The following MDGA2 variants were observed in gnomAD, a reference collection of about 807,000 sequenced individuals.
The protein encoded by MDGA2 is MAM domain-containing glycosylphosphatidylinositol anchor protein 2.
In MDGA2, 40 loss-of-function variants were observed where a neutral mutation model predicts 117.8. The observed-to-expected ratio is 0.34, with a 90% confidence interval of 0.26 to 0.44. MDGA2 has a LOEUF of 0.44. Ranked by LOEUF, MDGA2 falls within the 20% of genes least tolerant of loss-of-function variation. MDGA2 has a pLI of 1.00. For missense variants in MDGA2, 1,123 were observed against 1,250.6 expected (o/e 0.90, Z 1.54); for synonymous variants, 452 against 439.0 (o/e 1.03, Z -0.37).
At chr14:47,231,552 C>T (rs1308405951) in intron 2 of MDGA2, among the ~76,000 whole-genome samples, 5 of 151,972 alleles carry the variant, frequency 3.3e-5, no homozygotes, top group African/African-American at 4.8e-5. Context: ...AAAGTGAGCA[C>T]ACATTATTAA....
chr14:47,459,469 T>C (rs1893436441), intron 1 of MDGA2, among the ~76,000 whole-genome samples: 2 of 151,928 alleles, frequency 1.3e-5, no homozygotes, highest in Admixed American at 6.6e-5. Flanking sequence ...CCTTCCATCT[T>C]TTCCTTTCCC....
chr14:47,261,718 T>C (rs1043553186), intron 2 of MDGA2, among the ~76,000 whole-genome samples: 1 of 152,160 alleles, frequency 6.6e-6, no homozygotes, highest in African/African-American at 2.4e-5. Context: ...TATGTTTAAG[T>C]GTCTGGGTGC....
At chr14:47,163,713 G>T (rs17118121) in intron 3 of MDGA2, among the ~76,000 whole-genome samples, 13,871 of 152,152 alleles carry the variant, frequency 0.091, 736 homozygotes, top group African/African-American at 0.1. Context: ...AGCACGAGGA[G>T]GAAAACACAT....
intron 8 of MDGA2, among the ~76,000 whole-genome samples, chr14:46,963,591 G>T (rs1449685951): frequency 6.6e-6 from 1 of 152,132 alleles, no homozygotes; most frequent in Non-Finnish European, 1.5e-5. Context: ...TTCTGCCTGA[G>T]ATGTTCTTTC....
intron 1 of MDGA2, among the ~76,000 whole-genome samples, chr14:47,403,883 A>C (rs1462073198): frequency 6.6e-6 from 1 of 152,082 alleles, no homozygotes; most frequent in Non-Finnish European, 1.5e-5. Flanking sequence ...GGATGTCCTT[A>C]TCTCTGAAGA....
At chr14:47,034,512 C>T (rs919827682) in intron 8 of MDGA2, among the ~76,000 whole-genome samples, 6 of 151,958 alleles carry the variant, frequency 3.9e-5, no homozygotes, top group Admixed American at 2.0e-4. Flanking sequence ...GCAAATATAA[C>T]ATTTCAATGA....
chr14:47,631,329 C>A (rs1291432257), intron 1 of MDGA2, among the ~76,000 whole-genome samples: 1 of 152,196 alleles, frequency 6.6e-6, no homozygotes, highest in African/African-American at 2.4e-5. Flanking sequence ...CTCTGGCCTA[C>A]ACTGGAGAGT....
In MDGA2 at chr14:47,264,897, C is replaced by G. The variant is rs115532955; in HGVS notation, c.420+36514G>C. 4.4e-3 allele frequency among the ~76,000 whole-genome samples: 669 copies of G among 152,122 alleles called. 3 individuals carry two copies. Among genetic ancestry groups the G allele is most frequent in the African/African-American group, 0.015 (640 of 41,502 alleles). The stretch of plus-strand genomic sequence containing the variant: ...AGGCCCCCATGTGTGATGTTCCCCT[C>G]CCTGTGTCAGTGTTTTCTCATTGTT... On this transcript the variant is annotated intron_variant, in intron 2 of 16. Transcript: ENST00000399232.
Position 46,856,042 on chromosome 14 carries a change from T to C in MDGA2, c.2753-888A>G, listed in dbSNP as rs1448438272. On this transcript the variant is annotated intron_variant, in intron 14 of 16. Transcript: ENST00000399232. ...ATACAATAAATATATATCAAACACTTACTCCAGATGAGGAATTAATCCTCT... is the reference window on the plus strand; with the variant it reads ...ATACAATAAATATATATCAAACACTCACTCCAGATGAGGAATTAATCCTCT... Among the ~76,000 whole-genome samples, 3 of 152,218 alleles carry C rather than the reference T, an allele frequency of 2.0e-5. No individual in the cohort carries two copies. The East Asian group carries it at 5.8e-4, about 29-fold the overall frequency.
chr14:47,213,306 T>C (rs1419773142), intron 3 of MDGA2, among the ~76,000 whole-genome samples: 1 of 152,184 alleles, frequency 6.6e-6, no homozygotes, highest in African/African-American at 2.4e-5. Flanking sequence ...CTGTGCCATT[T>C]TGATTCCTAA....
intron 5 of MDGA2, among the ~76,000 whole-genome samples, chr14:47,128,419 C>G (rs1269956324): frequency 6.6e-6 from 1 of 151,838 alleles, no homozygotes; most frequent in Non-Finnish European, 1.5e-5. Flanking sequence ...TTATTCATCC[C>G]ATAGGCCATA....
At chr14:47,612,214 A>AGAT (rs1351379614) in intron 1 of MDGA2, among the ~76,000 whole-genome samples, 2 of 133,566 alleles carry the variant, frequency 1.5e-5, no homozygotes, top group African/African-American at 5.6e-5. Flanking sequence ...ATAGACAGAT[A>AGAT]GATAGATAGA....
At chr14:47,571,482 T>C (rs765176912) in intron 1 of MDGA2, among the ~76,000 whole-genome samples, 2 of 152,170 alleles carry the variant, frequency 1.3e-5, no homozygotes, top group African/African-American at 2.4e-5. Context: ...CTATTCACAA[T>C]AGCAAAGACT....
intron 8 of MDGA2, among the ~76,000 whole-genome samples, chr14:47,019,933 T>C (rs1056156130): frequency 5.9e-5 from 9 of 152,154 alleles, no homozygotes; most frequent in Non-Finnish European, 4.4e-5. Context: ...AGCATTACTA[T>C]TGCTAAAAGG....
chr14:47,072,094 T>G (rs1890303179), intron 6 of MDGA2, among the ~76,000 whole-genome samples: 1 of 67,086 alleles, frequency 1.5e-5, no homozygotes, highest in African/African-American at 5.7e-5. Flanking sequence ...TGTTGGTTGT[T>G]GTTGTTTGGG....
At chr14:47,540,540 G>GTGTGTGTGTGTGTGTATATATA in intron 1 of MDGA2, among the ~76,000 whole-genome samples, 3,069 of 78,506 alleles carry the variant, frequency 0.039, 134 homozygotes, top group Non-Finnish European at 0.063. Flanking sequence ...GTGTGTGTGT[G>GTGTGTGTGTGTGTGTATATATA]TATATATATA....
intron 10 of MDGA2, among the ~76,000 whole-genome samples, chr14:46,889,270 T>C (rs1290822993): frequency 1.3e-5 from 2 of 152,098 alleles, no homozygotes; most frequent in African/African-American, 4.8e-5. Context: ...TCAGCAAGAA[T>C]TCTTCTGAGT....
chr14:46,865,340 A>T (rs1439584765), intron 14 of MDGA2, among the ~76,000 whole-genome samples: 8 of 152,116 alleles, frequency 5.3e-5, no homozygotes, highest in Non-Finnish European at 4.4e-5. Flanking sequence ...AAATTCAACA[A>T]CGCTTCATGC....
At chr14:46,985,916 A>G (rs1886841898) in intron 8 of MDGA2, among the ~76,000 whole-genome samples, 1 of 152,080 alleles carries the variant, frequency 6.6e-6, no homozygotes, top group African/African-American at 2.4e-5. Context: ...GCGATTTACA[A>G]CTGAGTCATT....
Sources: allele counts gnomAD v4.1 joint callset (sites outside exome capture counted in the v4.1 genomes callset), GRCh38; gene constraint gnomAD v4.1.1; transcripts MANE v1.5; gene names NCBI Gene and HGNC (gene_info 2026-07-23, HGNC 2026-07-21).